Variants in ZNF367 observed in about 807,000 individuals in gnomAD.
The protein encoded by ZNF367 is C2H2 zinc finger protein ZFF29.
A neutral mutation model predicts 31.8 loss-of-function variants in ZNF367; 11 were observed. The ratio of observed to expected loss-of-function variants is 0.35; its 90% confidence interval spans 0.22 to 0.57. The LOEUF (loss-of-function observed/expected upper bound fraction) is 0.57. Among genes scored for constraint, ZNF367 ranks in the 20% least tolerant of loss-of-function variants. The pLI is 0.85. For synonymous variants in ZNF367, 199 were observed against 202.4 expected, an observed-to-expected ratio of 0.98 and a Z score of 0.14; for missense variants, 353 against 484.1, an observed-to-expected ratio of 0.73 and a Z score of 2.54.
rs990766558 is a variant in ZNF367 at position 96,417,316 on chromosome 9, C to T, written c.420+297G>A. Among the ~76,000 whole-genome samples, 1 of 152,166 alleles carries T rather than the reference C, an allele frequency of 6.6e-6. No homozygotes were observed. The highest frequency in any genetic ancestry group is 2.1e-4 in the South Asian group (1 of 4,832). ...CTCTCGGAACTGAGGACTCGGCAGC[C>T]CGCCGGGAGGATGTCAGTGGCCGTT... On this transcript the variant is annotated intron_variant, in intron 1 of 4. Transcript: ENST00000375256. The surrounding 1 kb of genome is among the most constrained non-coding windows in gnomAD (Gnocchi z 5.0).
Position 96,418,140 on chromosome 9 carries a change from G to A in ZNF367, c.-108C>T. 7.9e-7 allele frequency: 1 copy of A among 1,263,590 alleles called. No individual in the cohort carries two copies. Among genetic ancestry groups the A allele is most frequent in the South Asian group, 2.7e-5 (1 of 36,928 alleles). 78.3% of individuals were successfully genotyped at this position (1,263,590 alleles called of 1,614,324 possible). ...CGCAGGCTCAGTCCTGCCGGCTCAT[G>A]GCAGACTGACGTTTCCCGGAATCCT... On this transcript the variant is annotated 5_prime_UTR_variant, in exon 1 of 5. Coordinates refer to ENST00000375256, the MANE Select transcript of ZNF367 (RefSeq NM_153695.4).
intron 1 of ZNF367, among the ~76,000 whole-genome samples, chr9:96,410,668 G>A (rs1361520236): frequency 6.6e-6 from 1 of 150,470 alleles, no homozygotes; most frequent in East Asian, 2.0e-4. Flanking sequence ...AAGGTCAACA[G>A]ATCGAGACCA....
chr9:96,418,342 C>T lies in ZNF367; in HGVS notation c.-310G>A, dbSNP rs534380323. The T allele has an allele frequency of 2.7e-6, 1 of 364,050 alleles. No homozygotes were observed. The highest frequency in any genetic ancestry group is 4.9e-6 in the Non-Finnish European group (1 of 205,170). 22.6% of individuals were successfully genotyped at this position (364,050 alleles called of 1,614,324 possible). ...GAAAGCAGGACGCGCGGCGCTGAGC[C>T]CCCAAAAATAACAACCTGCCGCCGC... On this transcript the variant is annotated 5_prime_UTR_variant, in exon 1 of 5. Coordinates refer to ENST00000375256, the MANE Select transcript of ZNF367 (RefSeq NM_153695.4).
At position 96,417,602 on chromosome 9, in the gene ZNF367, G is replaced by C; in HGVS notation, c.420+11C>G. ...CCACGTCCCGCCCGCCCGCCCGCCC[G>C]CGCCGCTCACCTTGAGGTGGCCGCT... On this transcript the variant is annotated intron_variant, in intron 1 of 4. Coordinates refer to ENST00000375256, the MANE Select transcript of ZNF367 (RefSeq NM_153695.4). This position sits in a 1 kb window ranked among gnomAD's most constrained non-coding sequence, Gnocchi z 5.0. 2.0e-6 allele frequency: 1 copy of C among 503,108 alleles called. No homozygotes were observed. Among genetic ancestry groups the C allele is most frequent in the East Asian group, 4.0e-5 (1 of 25,050 alleles). The allele number at this position is 503,108 out of a possible 1,614,324, so 31.2% of individuals were successfully genotyped here.
chr9:96,392,566 G>A, intron 3 of ZNF367, 30 bp from the exon 4 acceptor site: 1 of 1,571,720 alleles, frequency 6.4e-7, no homozygotes, highest in Non-Finnish European at 8.7e-7. Context: ...CACCTGTCAG[G>A]ATCTGGACAT....
chr9:96,401,657 C>CA (rs35400858), intron 1 of ZNF367, among the ~76,000 whole-genome samples: 34,612 of 76,970 alleles, frequency 0.45, 7,035 homozygotes, highest in African/African-American at 0.53. Context: ...AGCTCCGTCT[C>CA]AAAAAAAAAA....
At chr9:96,412,146 T>C (rs898540827) in intron 1 of ZNF367, among the ~76,000 whole-genome samples, 1 of 152,152 alleles carries the variant, frequency 6.6e-6, no homozygotes, top group African/African-American at 2.4e-5. Flanking sequence ...GCCTTAACAA[T>C]GAGAAAACCA....
intron 4 of ZNF367, among the ~76,000 whole-genome samples, chr9:96,391,864 C>T (rs904073809): frequency 6.6e-6 from 1 of 152,086 alleles, no homozygotes; most frequent in African/African-American, 2.4e-5. Flanking sequence ...CTGCAACCTC[C>T]GTCTCCCAGG....
intron 1 of ZNF367, among the ~76,000 whole-genome samples, chr9:96,403,159 A>T (rs779730733): frequency 6.6e-6 from 1 of 151,926 alleles, no homozygotes; most frequent in Non-Finnish European, 1.5e-5. Context: ...TAGTAGAGAC[A>T]TGGTTTCACC....
At position 96,417,910 on chromosome 9, in the gene ZNF367, C is replaced by A; in HGVS notation, c.123G>T (p.Lys41Asn). 6.5e-7 allele frequency: 1 copy of A among 1,526,718 alleles called. No individual in the cohort carries two copies. The allele number at this position is 1,526,718 out of a possible 1,614,324, so 94.6% of individuals were successfully genotyped here. A position where few individuals can be genotyped will look rare whatever the true frequency, so the allele number is the denominator to read the frequency against. The part of the protein sequence containing the change: ...LVSVIRTTPI[K>N]PTCGGGGEPE... ...GCTCCCCTCCACCGCCGCACGTTGG[C>A]TTGATCGGGGTCGTCCTGATGACCG... Residue 41 changes from lysine to asparagine, a missense_variant, in exon 1 of 5, where the codon AAG becomes AAT. Lys to Asn is a moderately conservative substitution (Grantham distance 94). Transcript: ENST00000375256. This position sits in a 1 kb window ranked among gnomAD's most constrained non-coding sequence, Gnocchi z 5.0.
chr9:96,402,558 T>C (rs1294817514), intron 1 of ZNF367, among the ~76,000 whole-genome samples: 2 of 147,488 alleles, frequency 1.4e-5, no homozygotes, highest in African/African-American at 2.5e-5. Flanking sequence ...GTTCAAGCGA[T>C]TCTCCTGCCT....
chr9:96,414,188 C>T (rs935877324), intron 1 of ZNF367, among the ~76,000 whole-genome samples: 22 of 152,170 alleles, frequency 1.4e-4, no homozygotes, highest in Non-Finnish European at 2.5e-4. Flanking sequence ...GTCTAGCTAG[C>T]AACTTTCTTA....
At chr9:96,388,862 A>G (rs1423422204) in intron 4 of ZNF367, among the ~76,000 whole-genome samples, 1 of 152,224 alleles carries the variant, frequency 6.6e-6, no homozygotes, top group Non-Finnish European at 1.5e-5. Flanking sequence ...TAAATATTAA[A>G]CCCACAAACT....
intron 1 of ZNF367, among the ~76,000 whole-genome samples, chr9:96,415,109 C>T (rs952058112): frequency 6.0e-5 from 9 of 149,924 alleles, no homozygotes; most frequent in African/African-American, 2.2e-4. Flanking sequence ...GGCTGGAGTG[C>T]AGTGGCACGA....
intron 1 of ZNF367, among the ~76,000 whole-genome samples, chr9:96,415,150 G>A (rs2131084213): frequency 6.6e-6 from 1 of 150,794 alleles, no homozygotes; most frequent in East Asian, 2.0e-4. Context: ...CGCCTCCCGG[G>A]TTCACGCCAT....
intron 1 of ZNF367, among the ~76,000 whole-genome samples, chr9:96,400,942 T>G (rs1373982609): frequency 6.6e-6 from 1 of 152,206 alleles, no homozygotes; most frequent in Non-Finnish European, 1.5e-5. Context: ...AAGTAGTGAC[T>G]TGGATAAGCA....
At chr9:96,392,618 TCCAGAAAAG>T in intron 3 of ZNF367, 82 bp from the exon 4 acceptor site, 1 of 1,502,118 alleles carries the variant, frequency 6.7e-7, no homozygotes, top group Non-Finnish European at 8.9e-7. Flanking sequence ...TTCACTGGTA[TCCAGAAAAG>T]TAAATTAATA....
At position 96,387,940 on chromosome 9, in the gene ZNF367, T is replaced by G. The variant is rs1377992485; in HGVS notation, c.*297A>C. 4 of 320,294 alleles carry G rather than the reference T, an allele frequency of 1.2e-5. No individual in the cohort carries two copies. The highest frequency in any genetic ancestry group is 2.3e-5 in the Non-Finnish European group (4 of 176,470). The allele number at this position is 320,294 out of a possible 1,614,324, so 19.8% of individuals were successfully genotyped here. On this transcript the variant is annotated 3_prime_UTR_variant, in exon 5 of 5. Coordinates refer to ENST00000375256, the MANE Select transcript of ZNF367 (RefSeq NM_153695.4). ...TTCAGAAAGTGCTTCCTGTGAGAAC[T>G]GCTTCCAATGAATGCATTAAACTTG...
Position 96,387,945 on chromosome 9 carries a change from C to A in ZNF367, c.*292G>T. The A allele has an allele frequency of 3.0e-6, 1 of 329,830 alleles. No homozygotes were observed. The highest frequency in any genetic ancestry group is 8.0e-4 in the Middle Eastern group (1 of 1,250). The allele number at this position is 329,830 out of a possible 1,614,324, so 20.4% of individuals were successfully genotyped here. A position where few individuals can be genotyped will look rare whatever the true frequency, so the allele number is the denominator to read the frequency against. On this transcript the variant is annotated 3_prime_UTR_variant, in exon 5 of 5. Coordinates refer to ENST00000375256, the MANE Select transcript of ZNF367 (RefSeq NM_153695.4). ...AAAGTGCTTCCTGTGAGAACTGCTT[C>A]CAATGAATGCATTAAACTTGCAAAA...
Sources: allele counts gnomAD v4.1 joint callset (sites outside exome capture counted in the v4.1 genomes callset), GRCh38; gene constraint gnomAD v4.1.1; non-coding constraint Gnocchi (gnomAD v3.1); transcripts MANE v1.5; gene names NCBI Gene and HGNC (gene_info 2026-07-23, HGNC 2026-07-21).